CDK19: variants seen among roughly 807,000 people sequenced by gnomAD.
CDK19 encodes cyclin dependent kinase 19, also known as cyclin-dependent kinase 19.
CDK19 carries 20 observed loss-of-function variants against 68.3 expected under a neutral mutation model. The ratio of observed to expected loss-of-function variants is 0.29; its 90% CI spans 0.21 to 0.43. The LOEUF is 0.43. Ranked by LOEUF, CDK19 falls within the 20% of genes least tolerant of loss-of-function variation. The probability of loss-of-function intolerance (pLI) is 1.00; values close to 1 mark genes in which losing one functional copy is unlikely to be tolerated. For synonymous variants in CDK19, 221 were observed against 222.8 expected (o/e 0.99, Z 0.07); for missense variants, 339 against 623.5 (o/e 0.54, Z 4.86).
Position 110,621,845 on chromosome 6 carries a change from G to C in CDK19, c.1110+243C>G, listed in dbSNP as rs1464012566. On this transcript the variant is annotated intron_variant, in intron 11 of 12. Transcript: ENST00000368911. The surrounding 1 kb of genome is among the most constrained non-coding windows in gnomAD (Gnocchi z 5.4). Reference sequence around the variant, plus strand: ...CAAACAAACAGAAAGAGCAAGAAGTGGGAATCCGGGAGTAGAACTGGCTGT... The same window carrying C: ...CAAACAAACAGAAAGAGCAAGAAGTCGGAATCCGGGAGTAGAACTGGCTGT... Among the ~76,000 whole-genome samples, 1 of 152,142 alleles carries C rather than the reference G, an allele frequency of 6.6e-6. No individual in the cohort carries two copies. Among genetic ancestry groups the C allele is most frequent in the Non-Finnish European group, 1.5e-5 (1 of 68,038 alleles).
intron 2 of CDK19, among the ~76,000 whole-genome samples, chr6:110,719,972 G>GCT (rs1554211507): frequency 8.3e-4 from 38 of 45,542 alleles, no homozygotes; most frequent in Non-Finnish European, 1.0e-3. Context: ...CTTGTGATCC[G>GCT]CCCCCCCCCC....
At chr6:110,759,224 C>A (rs1242154658) in intron 1 of CDK19, among the ~76,000 whole-genome samples, 3 of 150,234 alleles carry the variant, frequency 2.0e-5, no homozygotes, top group Admixed American at 1.3e-4. Flanking sequence ...CACGGTGAAA[C>A]CCCATCTCTA....
chr6:110,622,834 C>T lies in CDK19; in HGVS notation c.1012G>A (p.Asp338Asn), dbSNP rs1316813423. 1 of 1,609,792 alleles carries T rather than the reference C, an allele frequency of 6.2e-7. No individual in the cohort carries two copies. Among genetic ancestry groups the T allele is most frequent in the Non-Finnish European group, 8.5e-7 (1 of 1,176,034 alleles). The change falls in exon 10 of 13, where the codon GAC becomes AAC. Residue 338 changes from aspartate to asparagine, a missense_variant. Asp to Asn is a conservative substitution (Grantham distance 23). Coordinates refer to ENST00000368911, the MANE Select transcript of CDK19 (RefSeq NM_015076.5). ...QALQDPYFQEDPLPTLDVFAG... is the reference protein window; with the variant it reads ...QALQDPYFQENPLPTLDVFAG... ...ACATACTCTAATGTTGGCAAAGGGT[C>T]CTCCTGAAAATAGGGATCCTGCAGA...
intron 1 of CDK19, among the ~76,000 whole-genome samples, chr6:110,806,942 C>T (rs1272645910): frequency 6.6e-6 from 1 of 151,506 alleles, no homozygotes; most frequent in Admixed American, 6.6e-5. Context: ...CTTCCCACTG[C>T]ACTCCAGCCT....
At chr6:110,655,660 C>T (rs1781267360) in intron 4 of CDK19, among the ~76,000 whole-genome samples, 1 of 152,122 alleles carries the variant, frequency 6.6e-6, no homozygotes, top group Admixed American at 6.5e-5. Context: ...TGACTACTTA[C>T]ATCCTACATT....
At chr6:110,742,421 T>C (rs1384279271) in intron 2 of CDK19, among the ~76,000 whole-genome samples, 1 of 152,116 alleles carries the variant, frequency 6.6e-6, no homozygotes, top group Admixed American at 6.6e-5. Flanking sequence ...TTGAACAATA[T>C]GAAATCAGTG....
At chr6:110,791,697 G>A (rs1402814860) in intron 1 of CDK19, among the ~76,000 whole-genome samples, 1 of 151,830 alleles carries the variant, frequency 6.6e-6, no homozygotes, top group East Asian at 1.9e-4. Flanking sequence ...TCACTATGTC[G>A]CCCAGGCTGA....
chr6:110,807,597 T>C (rs1782767697), intron 1 of CDK19, among the ~76,000 whole-genome samples: 1 of 152,030 alleles, frequency 6.6e-6, no homozygotes, highest in Non-Finnish European at 1.5e-5. Flanking sequence ...GTAGCTGGGA[T>C]TACAGGTGTG....
At chr6:110,682,798 C>T (rs895436090) in intron 2 of CDK19, among the ~76,000 whole-genome samples, 4 of 152,118 alleles carry the variant, frequency 2.6e-5, no homozygotes, top group Non-Finnish European at 5.9e-5. Context: ...CTTAACTCTT[C>T]TGAATCTCAT....
chr6:110,690,247 C>T (rs1468613391), intron 2 of CDK19, among the ~76,000 whole-genome samples: 1 of 152,034 alleles, frequency 6.6e-6, no homozygotes, highest in Non-Finnish European at 1.5e-5. Flanking sequence ...TTCAGGCTTG[C>T]ATAAGAGGTA....
At chr6:110,781,956 T>C (rs879583410) in intron 1 of CDK19, among the ~76,000 whole-genome samples, 1 of 151,604 alleles carries the variant, frequency 6.6e-6, no homozygotes, top group Non-Finnish European at 1.5e-5. Context: ...TTCCCCAGAA[T>C]AAAATTGTAA....
At chr6:110,618,433 A>G (rs1436062561) in intron 12 of CDK19, among the ~76,000 whole-genome samples, 1 of 152,092 alleles carries the variant, frequency 6.6e-6, no homozygotes, top group Non-Finnish European at 1.5e-5. Context: ...GTCCCCAGCC[A>G]GATTCTCTCT....
Position 110,623,338 on chromosome 6 carries a change from C to T in CDK19, c.885G>A (p.Lys295=). The change falls in exon 9 of 13, where the codon AAG becomes AAA. Residue 295 remains lysine (K), a synonymous_variant. Coordinates refer to ENST00000368911, the MANE Select transcript of CDK19 (RefSeq NM_015076.5). ...RTTYANSSLI[K]YMEKHKVKPD... is the part of the protein sequence containing the mutation. Reference sequence around the variant, plus strand: ...GCTTGACCTTGTGTTTCTCCATGTACTTTATGAGGCTACTGTTGGCATACC... The same window carrying T: ...GCTTGACCTTGTGTTTCTCCATGTATTTTATGAGGCTACTGTTGGCATACC... The T allele has an allele frequency of 6.2e-7, 1 of 1,613,944 alleles. No homozygotes were observed. Among genetic ancestry groups the T allele is most frequent in the East Asian group, 2.2e-5 (1 of 44,864 alleles).
rs1350126636 is a variant in CDK19, at chr6:110,815,240, C to A, written c.-104G>T. 3 of 1,270,540 alleles carry A rather than the reference C, an allele frequency of 2.4e-6. No individual in the cohort carries two copies. The highest frequency in any genetic ancestry group is 2.0e-6 in the Non-Finnish European group (2 of 999,844). The allele number at this position is 1,270,540 out of a possible 1,614,324, so 78.7% of individuals were successfully genotyped here. The stretch of plus-strand genomic sequence containing the variant: ...CGCTCCACTTCTCCAACAGCCGCCT[C>A]TCGCGCGCGCGCGCGCGCCGCCCGC... On this transcript the variant is annotated 5_prime_UTR_variant, in exon 1 of 13. Coordinates refer to ENST00000368911, the MANE Select transcript of CDK19 (RefSeq NM_015076.5).
chr6:110,740,863 C>A (rs1054328169), intron 2 of CDK19, among the ~76,000 whole-genome samples: 1 of 152,178 alleles, frequency 6.6e-6, no homozygotes, highest in Non-Finnish European at 1.5e-5. Context: ...ATCAGTCCCT[C>A]TTAGCCTCTC....
chr6:110,646,261 G>A, intron 4 of CDK19: 3 of 1,502,800 alleles, frequency 2.0e-6, no homozygotes, highest in Non-Finnish European at 2.7e-6. Context: ...CACACACATA[G>A]TTGCGTGTGC....
chr6:110,678,788 C>T (rs1309606143), intron 2 of CDK19, among the ~76,000 whole-genome samples: 1 of 152,238 alleles, frequency 6.6e-6, no homozygotes, highest in African/African-American at 2.4e-5. Flanking sequence ...TATTTTACAA[C>T]TCTGTACATT....
At chr6:110,629,619 G>A (rs1340200186) in intron 6 of CDK19, among the ~76,000 whole-genome samples, 5 of 152,156 alleles carry the variant, frequency 3.3e-5, no homozygotes, top group East Asian at 1.9e-4. Context: ...CTCCCAAAGC[G>A]CTGGGATTAC....
chr6:110,706,091 C>T (rs1361179044), intron 2 of CDK19, among the ~76,000 whole-genome samples: 2 of 152,132 alleles, frequency 1.3e-5, no homozygotes, highest in African/African-American at 2.4e-5. Flanking sequence ...GTCTTGCTGT[C>T]GCCCAGGCTG....
Sources: allele counts gnomAD v4.1 joint callset (sites outside exome capture counted in the v4.1 genomes callset), GRCh38; gene constraint gnomAD v4.1.1; non-coding constraint Gnocchi (gnomAD v3.1); transcripts MANE v1.5; gene names NCBI Gene and HGNC (gene_info 2026-07-23, HGNC 2026-07-21).